TIMMDC1: variants seen among roughly 807,000 people sequenced by gnomAD.
TIMMDC1 encodes the protein translocase of inner mitochondrial membrane domain containing 1, also known as complex I assembly factor TIMMDC1, mitochondrial.
In TIMMDC1, 25 loss-of-function variants were observed where a neutral mutation model predicts 32.6. The ratio of observed to expected loss-of-function variants is 0.77; its 90% CI spans 0.56 to 1.07. TIMMDC1 has a LOEUF of 1.07. TIMMDC1 is among the 50% of genes least tolerant of loss of function. The pLI is 0.00. For synonymous variants in TIMMDC1, 130 were observed against 127.6 expected (o/e 1.02, Z -0.13); for missense variants, 329 against 349.2 (o/e 0.94, Z 0.46).
intron 4 of TIMMDC1, among the ~76,000 whole-genome samples, chr3:119,508,016 C>G (rs1175439664): frequency 6.6e-6 from 1 of 152,206 alleles, no homozygotes; most frequent in African/African-American, 2.4e-5. Context: ...GCTGGTTAAT[C>G]TCTGACAAAA....
intron 4 of TIMMDC1, among the ~76,000 whole-genome samples, chr3:119,510,903 A>T (rs569663315): frequency 1.3e-5 from 2 of 152,376 alleles, no homozygotes; most frequent in South Asian, 4.1e-4. Flanking sequence ...TTTGAACACA[A>T]TAGCAATGCT....
At chr3:119,503,479 T>TA in intron 2 of TIMMDC1, 53 bp from the exon 3 acceptor site, 1 of 1,424,256 alleles carries the variant, frequency 7.0e-7, no homozygotes, top group East Asian at 2.4e-5. Context: ...AGTTCTAGAA[T>TA]AAGGAAAATA....
At chr3:119,505,396 T>A (rs1435687488) in intron 4 of TIMMDC1, among the ~76,000 whole-genome samples, 1 of 151,918 alleles carries the variant, frequency 6.6e-6, no homozygotes, top group Non-Finnish European at 1.5e-5. Flanking sequence ...GGAGTTTTGC[T>A]CTTGTTGCCC....
In TIMMDC1 at chr3:119,498,891, C is replaced by T. The variant is rs2081845355; in HGVS notation, c.158C>T (p.Ser53Phe). Reference protein sequence around the residue: ...PYVPEPYYPESGWDRLRELFG... With the variant: ...PYVPEPYYPEFGWDRLRELFG... The stretch of plus-strand genomic sequence containing the variant: ...GTCCCAGAGCCCTATTACCCGGAAT[C>T]TGGATGGGACCGCCTCCGGGAGCTG... Residue 53 changes from serine to phenylalanine, a missense_variant, in exon 1 of 7, where the codon TCT (serine) becomes TTT (phenylalanine). Physicochemically the swap from Ser to Phe is radical, Grantham distance 155 (BLOSUM62 -2). Transcript: ENST00000494664. 2 of 1,614,022 alleles carry T rather than the reference C, an allele frequency of 1.2e-6. No individual in the cohort carries two copies. Among genetic ancestry groups the T allele is most frequent in the Non-Finnish European group, 1.7e-6 (2 of 1,179,986 alleles).
chr3:119,498,749 C>G lies in TIMMDC1; in HGVS notation c.16C>G (p.Pro6Ala). Residue 6 changes from proline to alanine, a missense_variant, in exon 1 of 7, where the codon CCG (proline) becomes GCG (alanine). Coordinates refer to ENST00000494664, the MANE Select transcript of TIMMDC1 (RefSeq NM_016589.4). Reference sequence around the variant, plus strand: ...AGAGAAGGCCATGGAGGTGCCGCCACCGGCACCGCGGAGCTTTCTCTGTAG... The same window carrying G: ...AGAGAAGGCCATGGAGGTGCCGCCAGCGGCACCGCGGAGCTTTCTCTGTAG... Reference protein sequence around the residue: MEVPPPAPRSFLCRAL... With the variant: MEVPPAAPRSFLCRAL... 1 of 1,614,214 alleles carries G rather than the reference C, an allele frequency of 6.2e-7. No homozygotes were observed. Among genetic ancestry groups the G allele is most frequent in the Non-Finnish European group, 8.5e-7 (1 of 1,180,018 alleles).
intron 4 of TIMMDC1, among the ~76,000 whole-genome samples, chr3:119,512,709 A>G (rs2081962044): frequency 6.6e-6 from 1 of 152,228 alleles, no homozygotes; most frequent in South Asian, 2.1e-4. Flanking sequence ...TTTAAAAATG[A>G]ATATATAGTA....
At chr3:119,512,942 T>C (rs776546823) in intron 4 of TIMMDC1, among the ~76,000 whole-genome samples, 1 of 152,094 alleles carries the variant, frequency 6.6e-6, no homozygotes, top group Non-Finnish European at 1.5e-5. Context: ...GGTTTTGCCA[T>C]GTTGTCCAGG....
chr3:119,504,348 C>T (rs189612287), intron 4 of TIMMDC1, among the ~76,000 whole-genome samples: 25 of 152,218 alleles, frequency 1.6e-4, no homozygotes. Flanking sequence ...GAGGAAGTGA[C>T]ATTTGAGCTG....
chr3:119,512,573 C>T (rs2081960730), intron 4 of TIMMDC1, among the ~76,000 whole-genome samples: 3 of 151,318 alleles, frequency 2.0e-5, no homozygotes, highest in East Asian at 2.0e-4. Context: ...CCACCGTGCC[C>T]GGCCCCAGTT....
intron 2 of TIMMDC1, among the ~76,000 whole-genome samples, chr3:119,503,155 G>A (rs75810226): frequency 0.013 from 2,027 of 152,182 alleles, 41 homozygotes; most frequent in South Asian, 0.071. Context: ...GCATTGACAC[G>A]TCATTCAAAG....
intron 2 of TIMMDC1, among the ~76,000 whole-genome samples, chr3:119,502,470 T>G (rs907789689): frequency 2.4e-5 from 1 of 41,348 alleles, no homozygotes; most frequent in East Asian, 7.9e-4. Flanking sequence ...GCTCAAGCAG[T>G]TCACCCCCTC....
chr3:119,518,517 G>C (rs1224243999), intron 6 of TIMMDC1, among the ~76,000 whole-genome samples: 2 of 148,644 alleles, frequency 1.3e-5, no homozygotes, highest in African/African-American at 5.1e-5. Flanking sequence ...TTGCGCCACT[G>C]CACTCCAGCC....
At chr3:119,500,978 A>C in intron 2 of TIMMDC1, 118 bp downstream of exon 2, 1 of 1,029,146 alleles carries the variant, frequency 9.7e-7, no homozygotes, top group South Asian at 1.7e-5. Context: ...AGAGTAAAGA[A>C]ATAAAGTCTG....
At chr3:119,512,357 C>T (rs1322246472) in intron 4 of TIMMDC1, among the ~76,000 whole-genome samples, 1 of 152,180 alleles carries the variant, frequency 6.6e-6, no homozygotes, top group African/African-American at 2.4e-5. Context: ...CGGCTCACTG[C>T]AACCTCTGCC....
intron 2 of TIMMDC1, 147 bp downstream of exon 2, chr3:119,501,007 G>A: frequency 1.4e-6 from 1 of 737,656 alleles, no homozygotes; most frequent in Non-Finnish European, 2.1e-6. Flanking sequence ...AACAGTGGAA[G>A]TACTAATGTT....
intron 4 of TIMMDC1, among the ~76,000 whole-genome samples, chr3:119,510,951 CTT>C (rs1014396338): frequency 1.3e-5 from 2 of 152,168 alleles, no homozygotes; most frequent in Non-Finnish European, 2.9e-5. Flanking sequence ...CCACATATAA[CTT>C]TTGACTCCCC....
intron 4 of TIMMDC1, among the ~76,000 whole-genome samples, chr3:119,508,889 T>C (rs1323953630): frequency 6.6e-6 from 1 of 152,026 alleles, no homozygotes; most frequent in African/African-American, 2.4e-5. Context: ...ATCTTGCAAG[T>C]AGAAAATCCA....
chr3:119,500,670 C>CA (rs1560044647), intron 1 of TIMMDC1, 25 bp from the exon 2 acceptor site: 1 of 1,602,620 alleles, frequency 6.2e-7, no homozygotes. Flanking sequence ...TAATCCCAAA[C>CA]AACATTGTCT....
intron 4 of TIMMDC1, among the ~76,000 whole-genome samples, chr3:119,510,639 G>A (rs4688013): frequency 0.16 from 23,649 of 152,120 alleles, 2,352 homozygotes; most frequent in East Asian, 0.28. Context: ...CCACAAATAA[G>A]TAAAGGTGAT....
Sources: allele counts gnomAD v4.1 joint callset (sites outside exome capture counted in the v4.1 genomes callset), GRCh38; gene constraint gnomAD v4.1.1; transcripts MANE v1.5; gene names NCBI Gene and HGNC (gene_info 2026-07-23, HGNC 2026-07-21).